The following CARMIL1 variants were observed in gnomAD, a reference collection of about 807,000 sequenced individuals.
CARMIL1 encodes capping protein regulator and myosin 1 linker 1.
Under a neutral mutation model 177.1 loss-of-function variants are expected in CARMIL1, and 90 were observed. The ratio of observed to expected loss-of-function variants is 0.51; its 90% CI spans 0.43 to 0.61. The LOEUF (loss-of-function observed/expected upper bound fraction) is 0.61, where lower values mean the gene tolerates loss of function less well. Among genes scored for constraint, CARMIL1 ranks in the 20% least tolerant of loss-of-function variants. The probability of loss-of-function intolerance (pLI) is 0.00; values close to 1 mark genes in which losing one functional copy is unlikely to be tolerated. For synonymous variants in CARMIL1, 577 were observed against 606.2 expected, an observed-to-expected ratio of 0.95 and a Z score of 0.71; for missense variants, 1,380 against 1,667.0, an observed-to-expected ratio of 0.83 and a Z score of 3.00.
intron 20 of CARMIL1, among the ~76,000 whole-genome samples, chr6:25,513,950 A>G (rs1425763182): frequency 6.6e-6 from 1 of 152,134 alleles, no homozygotes; most frequent in East Asian, 1.9e-4. Flanking sequence ...TGACATTTAG[A>G]GCTACATTGG....
chr6:25,515,779 C>T lies in CARMIL1; in HGVS notation c.1737C>T (p.Ser579=), dbSNP rs770023513. ...SNTSLTKVDI[S]GNGMGDMGAK... ...CCTCCCTGACCAAAGTGGACATTAG[C>T]GGCAACGGAATGGGGGACATGGGAG... is the stretch of plus-strand genomic sequence containing the variant. Residue 579 remains serine, a synonymous_variant, in exon 21 of 37, where the codon AGC becomes AGT. Transcript: ENST00000329474. This position sits in a 1 kb window ranked among gnomAD's most constrained non-coding sequence, Gnocchi z 5.0. 21 of 1,611,846 alleles carry T rather than the reference C, an allele frequency of 1.3e-5. No individual in the cohort carries two copies. Among genetic ancestry groups the T allele is most frequent in the African/African-American group, 4.0e-5 (3 of 74,846 alleles).
chr6:25,599,377 C>T (rs554612191), intron 32 of CARMIL1, among the ~76,000 whole-genome samples: 98 of 152,270 alleles, frequency 6.4e-4, no homozygotes, highest in Admixed American at 2.6e-4. Flanking sequence ...TGCCTTTTCT[C>T]CCCTGTAGGG....
chr6:25,360,229 C>T (rs999999427), intron 2 of CARMIL1, among the ~76,000 whole-genome samples: 65 of 152,162 alleles, frequency 4.3e-4, no homozygotes, highest in African/African-American at 1.5e-3. Context: ...CTCCCTCCTT[C>T]CATCAGTTTT....
chr6:25,553,883 T>G, intron 27 of CARMIL1, 126 bp from the exon 28 acceptor site: 2 of 660,624 alleles, frequency 3.0e-6, no homozygotes, highest in Non-Finnish European at 5.5e-6. Flanking sequence ...TCACACATTC[T>G]TATATTCCAC....
chr6:25,281,297 A>ACGC (rs1331488889), intron 1 of CARMIL1, among the ~76,000 whole-genome samples: 2 of 151,696 alleles, frequency 1.3e-5, no homozygotes, highest in African/African-American at 4.8e-5. Context: ...CCCCAAGCAA[A>ACGC]CGCCAGAGGC....
intron 32 of CARMIL1, among the ~76,000 whole-genome samples, chr6:25,596,607 A>T (rs1356620489): frequency 2.0e-5 from 3 of 152,154 alleles, no homozygotes; most frequent in Non-Finnish European, 4.4e-5. Flanking sequence ...TACTTAAATG[A>T]TGATAATACA....
At chr6:25,472,589 A>G in intron 11 of CARMIL1, 68 bp downstream of exon 11, 1 of 1,264,232 alleles carries the variant, frequency 7.9e-7, no homozygotes, top group Non-Finnish European at 1.1e-6. Flanking sequence ...TAATTTAGCC[A>G]TGCCTGAAGA....
chr6:25,371,347 G>C (rs1790408916), intron 2 of CARMIL1, among the ~76,000 whole-genome samples: 1 of 152,156 alleles, frequency 6.6e-6, no homozygotes. Context: ...TTCCATAGAG[G>C]TTGTACTAAT....
chr6:25,479,502 TAC>T (rs1801888835), intron 11 of CARMIL1, among the ~76,000 whole-genome samples: 1 of 152,226 alleles, frequency 6.6e-6, no homozygotes, highest in South Asian at 2.1e-4. Flanking sequence ...GTAAGATCTT[TAC>T]ATTCTCTTTT....
intron 8 of CARMIL1, among the ~76,000 whole-genome samples, chr6:25,454,561 TTATGA>T (rs1174735465): frequency 6.6e-6 from 1 of 152,230 alleles, no homozygotes; most frequent in East Asian, 1.9e-4. Flanking sequence ...TCTCCTTGTT[TTATGA>T]TATGTGTATA....
intron 2 of CARMIL1, among the ~76,000 whole-genome samples, chr6:25,286,030 C>G (rs578260742): frequency 3.0e-4 from 46 of 151,068 alleles, no homozygotes; most frequent in African/African-American, 1.1e-3. Context: ...AGCCATCATG[C>G]CCAGCTAATT....
chr6:25,313,590 T>A (rs9379755), intron 2 of CARMIL1, among the ~76,000 whole-genome samples: 29,594 of 148,922 alleles, frequency 0.2, 3,857 homozygotes, highest in East Asian at 0.39. Flanking sequence ...GGGCCACCGC[T>A]AACTAGTTAG....
Position 25,606,221 on chromosome 6 carries a change from T to A in CARMIL1, c.3795T>A (p.Ser1265Arg). 1 of 1,613,822 alleles carries A rather than the reference T, an allele frequency of 6.2e-7. No homozygotes were observed. The highest frequency in any genetic ancestry group is 8.5e-7 in the Non-Finnish European group (1 of 1,179,868). Reference protein sequence around the residue: ...PKPLLQSPKPSLAARPVIPQK... With the variant: ...PKPLLQSPKPRLAARPVIPQK... ...CCCTCCTGCAGTCCCCCAAACCCAG[T>A]CTGGCAGCACGGCCCGTCATCCCGC... Residue 1265 changes from serine (S) to arginine (R), a missense_variant, in exon 35 of 37, where the codon AGT becomes AGA. Physicochemically the swap from Ser to Arg is moderately radical, Grantham distance 110. Coordinates refer to ENST00000329474, the MANE Select transcript of CARMIL1 (RefSeq NM_017640.6).
At chr6:25,451,668 C>T (rs1798941950) in intron 8 of CARMIL1, among the ~76,000 whole-genome samples, 1 of 152,102 alleles carries the variant, frequency 6.6e-6, no homozygotes, top group Admixed American at 6.5e-5. Flanking sequence ...ACAGTCGAGC[C>T]CGGCCCTATT....
chr6:25,427,716 A>T (rs1796396352), intron 4 of CARMIL1, among the ~76,000 whole-genome samples: 1 of 152,126 alleles, frequency 6.6e-6, no homozygotes, highest in Non-Finnish European at 1.5e-5. Context: ...CCTCCCCAAC[A>T]CTGGTATAGT....
intron 2 of CARMIL1, among the ~76,000 whole-genome samples, chr6:25,402,290 G>T (rs1340090810): frequency 6.6e-6 from 1 of 152,120 alleles, no homozygotes; most frequent in East Asian, 1.9e-4. Flanking sequence ...TAGAATGTTA[G>T]CGTTGAATAC....
intron 23 of CARMIL1, 41 bp from the exon 24 acceptor site, chr6:25,528,753 GT>G (rs1562253207): frequency 7.2e-7 from 1 of 1,392,172 alleles, no homozygotes; most frequent in South Asian, 1.2e-5. Context: ...TCTCCGCTGG[GT>G]TGAAATGTAT....
At chr6:25,492,687 T>C (rs560011933) in intron 15 of CARMIL1, among the ~76,000 whole-genome samples, 1 of 152,324 alleles carries the variant, frequency 6.6e-6, no homozygotes, top group Admixed American at 6.5e-5. Context: ...ATTTTAGTTA[T>C]ATGATTTTAA....
chr6:25,581,554 C>A, intron 31 of CARMIL1, 115 bp downstream of exon 31: 3 of 912,822 alleles, frequency 3.3e-6, no homozygotes, highest in Non-Finnish European at 4.9e-6. Flanking sequence ...GTTAAGGAGA[C>A]TAGAACCTCT....
Sources: gnomAD v4.1 joint callset for allele counts (sites outside exome capture counted in the v4.1 genomes callset) on GRCh38, gnomAD v4.1.1 for gene constraint, Gnocchi (gnomAD v3.1) non-coding constraint, MANE v1.5 for transcripts, NCBI Gene and HGNC (gene_info 2026-07-23, HGNC 2026-07-21) for gene names.